CDH12: variants seen among roughly 807,000 people sequenced by gnomAD.
CDH12 encodes the protein cadherin-12.
Under a neutral mutation model 74.1 loss-of-function variants are expected in CDH12, and 41 were observed. That is an observed-to-expected ratio of 0.55 (90% CI 0.43 to 0.72). The LOEUF is 0.72. Ranked by LOEUF, CDH12 falls within the 30% of genes least tolerant of loss-of-function variation. The pLI is 0.00. For missense variants in CDH12, 945 were observed against 977.2 expected, an observed-to-expected ratio of 0.97 and a Z score of 0.44; for synonymous variants, 399 against 355.0, an observed-to-expected ratio of 1.12 and a Z score of -1.39.
chr5:22,056,845 T>C (rs144395709), intron 5 of CDH12, among the ~76,000 whole-genome samples: 1 of 152,312 alleles, frequency 6.6e-6, no homozygotes, highest in African/African-American at 2.4e-5. Context: ...GATGAGGATA[T>C]TGAGGCAGTG....
At chr5:22,407,075 C>T (rs1742969906) in intron 2 of CDH12, among the ~76,000 whole-genome samples, 1 of 151,718 alleles carries the variant, frequency 6.6e-6, no homozygotes, top group Non-Finnish European at 1.5e-5. Context: ...TAGTGTTTGT[C>T]ACTAGAAAAA....
intron 1 of CDH12, among the ~76,000 whole-genome samples, chr5:22,793,379 T>A (rs574826660): frequency 6.6e-6 from 1 of 152,242 alleles, no homozygotes; most frequent in South Asian, 2.1e-4. Context: ...CATACACATA[T>A]GTGGTGATTA....
At chr5:22,663,861 G>A (rs1024535123) in intron 1 of CDH12, among the ~76,000 whole-genome samples, 41 of 151,826 alleles carry the variant, frequency 2.7e-4, no homozygotes, top group African/African-American at 9.2e-4. Context: ...TAATTGATTA[G>A]TTACTCTTTT....
intron 1 of CDH12, among the ~76,000 whole-genome samples, chr5:22,813,584 C>G (rs994555191): frequency 2.6e-5 from 4 of 151,902 alleles, no homozygotes; most frequent in Non-Finnish European, 5.9e-5. Flanking sequence ...GATGGGATGT[C>G]ATTTCTGTGA....
At chr5:22,615,959 T>C (rs943139639) in intron 1 of CDH12, among the ~76,000 whole-genome samples, 18 of 152,134 alleles carry the variant, frequency 1.2e-4, no homozygotes, top group Admixed American at 1.0e-3. Context: ...CTATATATTA[T>C]TTGCCTTTTG....
chr5:22,848,932 A>G (rs1737426788), intron 1 of CDH12, among the ~76,000 whole-genome samples: 1 of 152,028 alleles, frequency 6.6e-6, no homozygotes, highest in African/African-American at 2.4e-5. Context: ...CATATCATAT[A>G]AAGTTTAGGA....
Position 21,832,062 on chromosome 5 carries a change from A to G in CDH12, c.814+10099T>C, listed in dbSNP as rs201059320. Among the ~76,000 whole-genome samples, 9 of 152,272 alleles carry G rather than the reference A, an allele frequency of 5.9e-5. No homozygotes were observed. In the East Asian group the frequency reaches 1.4e-3, roughly 23 times the overall value. On this transcript the variant is annotated intron_variant, in intron 8 of 14. Transcript: ENST00000382254. ...TAAGATTAGGGGCAATATCTTTAAT[A>G]TCACTTCAATTTTAAGCATTATTTA...
chr5:21,850,125 G>C (rs748105452), intron 7 of CDH12, among the ~76,000 whole-genome samples: 2 of 151,520 alleles, frequency 1.3e-5, no homozygotes, highest in Admixed American at 6.6e-5. Flanking sequence ...AAGAATAAAA[G>C]AAAGATTATA....
chr5:21,820,118 AT>A (rs764972963), intron 8 of CDH12, among the ~76,000 whole-genome samples: 8 of 151,928 alleles, frequency 5.3e-5, no homozygotes, highest in Non-Finnish European at 1.2e-4. Context: ...TTGAAAGGTA[AT>A]CCAAAGGGCA....
chr5:22,819,901 CTAGA>C (rs1296009041), intron 1 of CDH12, among the ~76,000 whole-genome samples: 1 of 146,242 alleles, frequency 6.8e-6, no homozygotes, highest in Admixed American at 6.9e-5. Flanking sequence ...TATAAGATAT[CTAGA>C]TATTTAAATA....
chr5:22,191,213 A>C (rs1750256169), intron 4 of CDH12, among the ~76,000 whole-genome samples: 3 of 151,984 alleles, frequency 2.0e-5, no homozygotes, highest in Admixed American at 2.0e-4. Flanking sequence ...GCACATCCTC[A>C]GATCTCTGGC....
chr5:22,769,029 G>A (rs1746668856), intron 1 of CDH12, among the ~76,000 whole-genome samples: 1 of 152,062 alleles, frequency 6.6e-6, no homozygotes, highest in Admixed American at 6.6e-5. Flanking sequence ...CAGAAAACAA[G>A]CAAGCAAGCA....
chr5:22,596,304 G>A (rs1365198493), intron 1 of CDH12, among the ~76,000 whole-genome samples: 1 of 151,636 alleles, frequency 6.6e-6, no homozygotes, highest in African/African-American at 2.4e-5. Flanking sequence ...AGCTGGGTGT[G>A]GTGGCGGACA....
chr5:22,580,272 C>T (rs1340082303), intron 1 of CDH12: 3 of 366,020 alleles, frequency 8.2e-6, no homozygotes, highest in Non-Finnish European at 1.6e-5. Flanking sequence ...ATCATTCAAA[C>T]ATTGGATGGC....
intron 1 of CDH12, among the ~76,000 whole-genome samples, chr5:22,530,331 T>G (rs1424661924): frequency 6.6e-6 from 1 of 152,174 alleles, no homozygotes; most frequent in African/African-American, 2.4e-5. Context: ...ACATGAATTT[T>G]ACATGGACTC....
At chr5:22,208,383 T>A (rs1411000166) in intron 4 of CDH12, among the ~76,000 whole-genome samples, 1 of 152,198 alleles carries the variant, frequency 6.6e-6, no homozygotes, top group African/African-American at 2.4e-5. Context: ...TGAGAAGCAC[T>A]CTTTTCTTCT....
chr5:22,353,885 ATTGCATATGGG>A (rs1365701030), intron 3 of CDH12, among the ~76,000 whole-genome samples: 1 of 152,180 alleles, frequency 6.6e-6, no homozygotes, highest in Non-Finnish European at 1.5e-5. Flanking sequence ...TGGTACATGG[ATTGCATATGGG>A]TTGCCTTAAA....
At chr5:22,091,963 T>G (rs1304558086) in intron 4 of CDH12, among the ~76,000 whole-genome samples, 2 of 151,876 alleles carry the variant, frequency 1.3e-5, no homozygotes, top group African/African-American at 4.8e-5. Context: ...TTTTTTTATG[T>G]GGATATCCAA....
intron 4 of CDH12, among the ~76,000 whole-genome samples, chr5:22,192,753 C>G (rs1020658358): frequency 6.6e-6 from 1 of 152,116 alleles, no homozygotes; most frequent in African/African-American, 2.4e-5. Flanking sequence ...TTGTAGATAA[C>G]AGAGAGCCAT....
Sources: gnomAD v4.1 joint callset for allele counts (sites outside exome capture counted in the v4.1 genomes callset) on GRCh38, gnomAD v4.1.1 for gene constraint, MANE v1.5 for transcripts, NCBI Gene and HGNC (gene_info 2026-07-23, HGNC 2026-07-21) for gene names.